Variants in NDUFA9 observed in about 807,000 individuals in gnomAD.
NDUFA9 encodes the protein NADH dehydrogenase [ubiquinone] 1 alpha subcomplex subunit 9, mitochondrial.
A neutral mutation model predicts 45.9 loss-of-function variants in NDUFA9; 23 were observed. The ratio of observed to expected loss-of-function variants is 0.50; its 90% CI spans 0.36 to 0.71. The LOEUF (loss-of-function observed/expected upper bound fraction) is 0.71, where lower values mean the gene tolerates loss of function less well. Ranked by LOEUF, NDUFA9 falls within the 30% of genes least tolerant of loss-of-function variation. The pLI, the probability that NDUFA9 is intolerant of heterozygous loss-of-function variation, is 0.00. For synonymous variants in NDUFA9, 176 were observed against 170.5 expected, an observed-to-expected ratio of 1.03 and a Z score of -0.25; for missense variants, 466 against 488.2, an observed-to-expected ratio of 0.95 and a Z score of 0.43.
intron 3 of NDUFA9, 64 bp from the exon 4 acceptor site, chr12:4,657,684 G>A: frequency 8.5e-7 from 1 of 1,177,952 alleles, no homozygotes; most frequent in Non-Finnish European, 1.3e-6. Context: ...TGAGGAGGCT[G>A]CAGAAGTGTT....
At chr12:4,657,554 C>T (rs767627147) in intron 3 of NDUFA9, 194 bp from the exon 4 acceptor site, 107 of 553,318 alleles carry the variant, frequency 1.9e-4, no homozygotes, top group Middle Eastern at 1.4e-3. Context: ...CTGTTTGTCT[C>T]GGAAAGAGTG....
At chr12:4,684,672 G>A (rs1945973687) in intron 9 of NDUFA9, among the ~76,000 whole-genome samples, 1 of 152,194 alleles carries the variant, frequency 6.6e-6, no homozygotes, top group African/African-American at 2.4e-5. Context: ...GAGCTCAAGT[G>A]GCACGTAAGG....
At chr12:4,660,306 G>A (rs973940329) in intron 5 of NDUFA9, among the ~76,000 whole-genome samples, 1 of 152,170 alleles carries the variant, frequency 6.6e-6, no homozygotes, top group African/African-American at 2.4e-5. Context: ...CTCTGTCTAG[G>A]TAATTCTGAG....
Position 4,649,122 on chromosome 12 carries a change from A to G in NDUFA9, c.-5A>G. 1 of 1,603,860 alleles carries G rather than the reference A, an allele frequency of 6.2e-7. No homozygotes were observed. The highest frequency in any genetic ancestry group is 2.2e-5 in the East Asian group (1 of 44,566). On this transcript the variant is annotated 5_prime_UTR_variant, in exon 1 of 11. Transcript: ENST00000266544. ...GAGTGCTGTCGTGGGGGATTGTGGG[A>G]AAAGATGGCGGCTGCCGCACAATCC...
intron 1 of NDUFA9, among the ~76,000 whole-genome samples, chr12:4,651,377 A>G (rs563377769): frequency 6.6e-6 from 1 of 152,314 alleles, no homozygotes; most frequent in South Asian, 2.1e-4. Flanking sequence ...AGTATTTGCA[A>G]GGCACTGTGA....
chr12:4,679,414 T>C (rs901375577), intron 8 of NDUFA9, among the ~76,000 whole-genome samples: 2 of 152,314 alleles, frequency 1.3e-5, no homozygotes, highest in South Asian at 4.1e-4. Context: ...ACCACAATAG[T>C]GAATAGCATG....
chr12:4,658,002 G>A (rs1257419864), intron 4 of NDUFA9, among the ~76,000 whole-genome samples, 163 bp downstream of exon 4: 1 of 152,214 alleles, frequency 6.6e-6, no homozygotes, highest in Non-Finnish European at 1.5e-5. Flanking sequence ...CCCCTGAGGA[G>A]ATGTAGCTGA....
At position 4,688,063 on chromosome 12, in the gene NDUFA9, A is replaced by G. The variant is rs1006183052; in HGVS notation, c.*955A>G. 1 of 152,224 alleles carries G rather than the reference A, an allele frequency of 6.6e-6. No homozygotes were observed. 9.4% of individuals were successfully genotyped at this position (152,224 alleles called of 1,614,324 possible). A position where few individuals can be genotyped will look rare whatever the true frequency, so the allele number is the denominator to read the frequency against. Reference sequence around the variant, plus strand: ...AGAAAGGTATATCAGTGTTGAAGGTAAGTTCTCCACCTGCCCTTTCTGCCT... The same window carrying G: ...AGAAAGGTATATCAGTGTTGAAGGTGAGTTCTCCACCTGCCCTTTCTGCCT... On this transcript the variant is annotated 3_prime_UTR_variant, in exon 11 of 11. Transcript: ENST00000266544.
chr12:4,665,808 GT>G (rs1945850199), intron 6 of NDUFA9, among the ~76,000 whole-genome samples: 1 of 150,078 alleles, frequency 6.7e-6, no homozygotes, highest in Non-Finnish European at 1.5e-5. Flanking sequence ...ATTGTGTGTG[GT>G]TTTTTTGTTT....
chr12:4,657,464 A>C (rs1275093463), intron 3 of NDUFA9: 3 of 274,356 alleles, frequency 1.1e-5, no homozygotes, highest in Non-Finnish European at 2.1e-5. Context: ...GGGTGGACAA[A>C]AACTAATATG....
In NDUFA9 at chr12:4,693,983, G is replaced by C. The variant is rs1265111876; in HGVS notation, c.*6875G>C. 4 of 152,222 alleles carry C rather than the reference G, an allele frequency of 2.6e-5. No individual in the cohort carries two copies. The highest frequency in any genetic ancestry group is 9.6e-5 in the African/African-American group (4 of 41,456). The allele number at this position is 152,222 out of a possible 1,614,324, so 9.4% of individuals were successfully genotyped here. On this transcript the variant is annotated 3_prime_UTR_variant, in exon 11 of 11. Transcript: ENST00000266544. ...AGTCCATAAATAGGACTTGGAAATG[G>C]AAGTGTAGGGGGAGATCCCATTGTA...
rs1306091145 is a variant in NDUFA9 at position 4,693,192 on chromosome 12, C to T, written c.*6084C>T. The T allele has an allele frequency of 2.0e-5, 3 of 152,216 alleles. No homozygotes were observed. Among genetic ancestry groups the T allele is most frequent in the African/African-American group, 7.2e-5 (3 of 41,458 alleles). The allele number at this position is 152,216 out of a possible 1,614,324, so 9.4% of individuals were successfully genotyped here. A position where few individuals can be genotyped will look rare whatever the true frequency, so the allele number is the denominator to read the frequency against. On this transcript the variant is annotated 3_prime_UTR_variant, in exon 11 of 11. Coordinates refer to ENST00000266544, the MANE Select transcript of NDUFA9 (RefSeq NM_005002.5). ...ACTGCTATGTCCACAGCACCTAAAA[C>T]AGTCCCAGACATCTGTTGAATAAAT...
rs192223259 is a variant in NDUFA9 at position 4,668,446 on chromosome 12, T to C, written c.656-11T>C. On this transcript the variant is annotated splice_polypyrimidine_tract_variant and intron_variant, in intron 6 of 10. Transcript: ENST00000266544. ...CCTTCTCAGTATAGTTCTCATTCTT[T>C]CTTCCGCTAGGTATGCATCGGTTTG... is the stretch of plus-strand genomic sequence containing the variant. 1.9e-6 allele frequency: 3 copies of C among 1,611,072 alleles called. No homozygotes were observed. The highest frequency in any genetic ancestry group is 4.5e-5 in the East Asian group (2 of 44,854).
chr12:4,685,814 G>A (rs564163754), intron 10 of NDUFA9, among the ~76,000 whole-genome samples: 2 of 152,224 alleles, frequency 1.3e-5, no homozygotes, highest in East Asian at 3.9e-4. Flanking sequence ...ACATCCAATG[G>A]TCAGTTCTCA....
intron 8 of NDUFA9, among the ~76,000 whole-genome samples, chr12:4,671,177 T>A (rs1945884992): frequency 6.6e-6 from 1 of 152,160 alleles, no homozygotes; most frequent in Non-Finnish European, 1.5e-5. Flanking sequence ...TCCTCCTAGG[T>A]TTTTTGTAAT....
intron 8 of NDUFA9, among the ~76,000 whole-genome samples, chr12:4,673,859 A>G (rs183722531): frequency 6.6e-6 from 1 of 152,350 alleles, no homozygotes; most frequent in East Asian, 1.9e-4. Context: ...CACAAGACAC[A>G]TAATTGTCAC....
Position 4,654,840 on chromosome 12 carries a change from A to G in NDUFA9, c.236A>G (p.Gln79Arg). Residue 79 changes from glutamine to arginine, a missense_variant, in exon 3 of 11, where the codon CAG becomes CGG. Physicochemically the swap from Gln to Arg is conservative, Grantham distance 43. Coordinates refer to ENST00000266544, the MANE Select transcript of NDUFA9 (RefSeq NM_005002.5). ...VVNHLGRMGS[Q>R]VIIPYRCDKY... The stretch of plus-strand genomic sequence containing the variant: ...TCTCTTTTAGGACGCATGGGGTCAC[A>G]GGTAATCATACCCTATCGGTGTGAT... 1 of 1,613,150 alleles carries G rather than the reference A, an allele frequency of 6.2e-7. No individual in the cohort carries two copies. Among genetic ancestry groups the G allele is most frequent in the Non-Finnish European group, 8.5e-7 (1 of 1,179,550 alleles).
intron 7 of NDUFA9, among the ~76,000 whole-genome samples, chr12:4,669,200 A>C (rs761890803): frequency 1.3e-5 from 2 of 152,230 alleles, no homozygotes; most frequent in African/African-American, 2.4e-5. Flanking sequence ...CGCCAGTCAC[A>C]CCACCCTTCA....
At chr12:4,658,324 CTT>C (rs1226487796) in intron 4 of NDUFA9, among the ~76,000 whole-genome samples, 1 of 152,172 alleles carries the variant, frequency 6.6e-6, no homozygotes, top group Non-Finnish European at 1.5e-5. Context: ...GTTTACACCT[CTT>C]TTTATAGTGT....
Sources: allele counts gnomAD v4.1 joint callset (sites outside exome capture counted in the v4.1 genomes callset), GRCh38; gene constraint gnomAD v4.1.1; transcripts MANE v1.5; gene names NCBI Gene and HGNC (gene_info 2026-07-23, HGNC 2026-07-21).